Variants in SIK2 observed in about 807,000 individuals in gnomAD.
SIK2 encodes the protein serine/threonine-protein kinase SIK2.
In SIK2, 29 loss-of-function variants were observed where a neutral mutation model predicts 103.2. That is an observed-to-expected ratio of 0.28 (90% CI 0.21 to 0.38). The LOEUF (loss-of-function observed/expected upper bound fraction) is 0.38. SIK2 is among the 10% of genes least tolerant of loss of function. SIK2 has a pLI of 1.00. For synonymous variants in SIK2, 412 were observed against 446.1 expected, an observed-to-expected ratio of 0.92 and a Z score of 0.96; for missense variants, 879 against 1,171.0, an observed-to-expected ratio of 0.75 and a Z score of 3.64.
At chr11:111,700,847 G>A in intron 4 of SIK2, 39 bp from the exon 5 acceptor site, 2 of 1,609,662 alleles carry the variant, frequency 1.2e-6, no homozygotes, top group Non-Finnish European at 1.7e-6. Context: ...TATAGTTTGA[G>A]AGCATAGATG....
chr11:111,602,507 G>T lies in SIK2; in HGVS notation c.-57G>T. On this transcript the variant is annotated 5_prime_UTR_variant, in exon 1 of 15. Coordinates refer to ENST00000304987, the MANE Select transcript of SIK2 (RefSeq NM_015191.3). The surrounding 1 kb of genome is among the most constrained non-coding windows in gnomAD (Gnocchi z 4.5). ...GCCGTCGCCCAAGCCAAGCCGCGCT[G>T]CCAACCCTCCCGCCCGCCCGCGCTC... The T allele has an allele frequency of 7.1e-7, 1 of 1,415,956 alleles. No individual in the cohort carries two copies. 87.7% of individuals were successfully genotyped at this position (1,415,956 alleles called of 1,614,324 possible). A position where few individuals can be genotyped will look rare whatever the true frequency, so the allele number is the denominator to read the frequency against.
At chr11:111,647,853 G>A (rs920013309) in intron 3 of SIK2, among the ~76,000 whole-genome samples, 2 of 152,076 alleles carry the variant, frequency 1.3e-5, no homozygotes, top group African/African-American at 4.8e-5. Context: ...GGGTGACAGT[G>A]CGAGACTCTG....
rs1216904103 is a variant in SIK2 at position 111,728,301 on chromosome 11, T to C, written c.*4172T>C. ...TTCTGGAATTTATTTAATTTTTTTTTTTTTTGAGACAGAGTCTCGCTCTGT... is the reference window on the plus strand; with the variant it reads ...TTCTGGAATTTATTTAATTTTTTTTCTTTTTGAGACAGAGTCTCGCTCTGT... On this transcript the variant is annotated 3_prime_UTR_variant, in exon 15 of 15. Transcript: ENST00000304987. 6.6e-6 allele frequency: 1 copy of C among 152,096 alleles called. No individual in the cohort carries two copies. The highest frequency in any genetic ancestry group is 6.5e-5 in the Admixed American group (1 of 15,284). 9.4% of individuals were successfully genotyped at this position (152,096 alleles called of 1,614,324 possible).
At chr11:111,703,532 T>C in intron 7 of SIK2, 109 bp downstream of exon 7, 1 of 883,854 alleles carries the variant, frequency 1.1e-6, no homozygotes, top group Non-Finnish European at 1.8e-6. Context: ...CGCCTAGGCG[T>C]ACTGTTCAGT....
At chr11:111,712,645 T>C (rs1393492798) in intron 9 of SIK2, among the ~76,000 whole-genome samples, 1 of 152,214 alleles carries the variant, frequency 6.6e-6, no homozygotes, top group Non-Finnish European at 1.5e-5. Flanking sequence ...TAATTCCTTC[T>C]CTCTTCAAGT....
At chr11:111,654,578 G>A (rs1382976438) in intron 3 of SIK2, among the ~76,000 whole-genome samples, 2 of 152,098 alleles carry the variant, frequency 1.3e-5, no homozygotes, top group Non-Finnish European at 2.9e-5. Context: ...GTTACTTAAA[G>A]GTAAGTTCTT....
intron 3 of SIK2, among the ~76,000 whole-genome samples, chr11:111,665,898 A>G (rs958163977): frequency 2.0e-5 from 3 of 152,122 alleles, no homozygotes; most frequent in African/African-American, 4.8e-5. Context: ...CACTAAACCT[A>G]TGGTTCTGTT....
At chr11:111,704,710 G>A (rs1161769616) in intron 7 of SIK2, among the ~76,000 whole-genome samples, 1 of 152,126 alleles carries the variant, frequency 6.6e-6, no homozygotes, top group African/African-American at 2.4e-5. Context: ...GACAATGATG[G>A]CATTTTCTCT....
chr11:111,680,329 T>C (rs1942761138), intron 3 of SIK2, among the ~76,000 whole-genome samples: 1 of 152,164 alleles, frequency 6.6e-6, no homozygotes, highest in Non-Finnish European at 1.5e-5. Flanking sequence ...CTGAAAACAC[T>C]GTTTCTCTTC....
intron 1 of SIK2, among the ~76,000 whole-genome samples, chr11:111,613,714 A>T (rs1181098719): frequency 6.6e-6 from 1 of 152,218 alleles, no homozygotes; most frequent in Non-Finnish European, 1.5e-5. Flanking sequence ...GGTAATAATT[A>T]AAACACCACC....
Position 111,719,881 on chromosome 11 carries a change from C to T in SIK2, c.1373C>T (p.Thr458Ile), listed in dbSNP as rs35789057. 3,529 of 1,614,110 alleles carry T rather than the reference C, an allele frequency of 2.2e-3. 7 individuals carry two copies. Among genetic ancestry groups the T allele is most frequent in the Non-Finnish European group, 2.4e-3 (2,775 of 1,180,028 alleles). The change falls in exon 10 of 15, where the codon ACA becomes ATA. Residue 458 changes from threonine to isoleucine, a missense_variant. This residue lies in a region of SIK2 where 222 missense variants were observed against 258.0 expected (regional missense o/e 0.86). Transcript: ENST00000304987. ...ACCTCCATTGACGAAGGGCTGGAGA[C>T]AGAAGGAGAGGCCGAGGAAGACCCC... ...METSIDEGLE[T>I]EGEAEEDPAH...
At chr11:111,684,113 G>A (rs1942813053) in intron 3 of SIK2, among the ~76,000 whole-genome samples, 1 of 152,154 alleles carries the variant, frequency 6.6e-6, no homozygotes, top group Non-Finnish European at 1.5e-5. Context: ...TTTACTGATA[G>A]GTGATGATTC....
At chr11:111,686,319 T>C (rs1366960509) in intron 3 of SIK2, among the ~76,000 whole-genome samples, 4 of 152,132 alleles carry the variant, frequency 2.6e-5, no homozygotes, top group Non-Finnish European at 5.9e-5. Context: ...TGTGCACCTG[T>C]AGTCCCAGTT....
intron 3 of SIK2, among the ~76,000 whole-genome samples, chr11:111,660,105 C>G (rs895037346): frequency 2.0e-5 from 3 of 152,264 alleles, no homozygotes; most frequent in Admixed American, 6.5e-5. Context: ...CAGTTAGAGA[C>G]CTGTTTGGAT....
chr11:111,637,456 C>CTTT (rs558690499), intron 3 of SIK2, among the ~76,000 whole-genome samples: 30 of 124,700 alleles, frequency 2.4e-4, no homozygotes, highest in African/African-American at 4.1e-4. Flanking sequence ...TTTGTAATAT[C>CTTT]TTTTTTTTTT....
In SIK2 at chr11:111,695,800, AC is replaced by A. The variant is rs1394655095; in HGVS notation, c.479-5085del. Among the ~76,000 whole-genome samples the A allele has an allele frequency of 3.9e-5, 6 of 152,224 alleles. No individual in the cohort carries two copies. In the South Asian group the frequency reaches 1.2e-3, roughly 31 times the overall value. The stretch of plus-strand genomic sequence containing the variant: ...CCATTTTGTATTTGGTTCCCATTAG[AC>A]AACAATCATCAGAGTTAGCTTATTT... On this transcript the variant is annotated intron_variant, in intron 4 of 14. Transcript: ENST00000304987.
chr11:111,603,132 G>A (rs991081246), intron 1 of SIK2, among the ~76,000 whole-genome samples: 9 of 152,288 alleles, frequency 5.9e-5, no homozygotes, highest in African/African-American at 9.6e-5. Context: ...TCGCCGGCCC[G>A]AGGAGGGGAC....
At position 111,729,123 on chromosome 11, in the gene SIK2, C is replaced by T. The variant is rs1475757360; in HGVS notation, c.*4994C>T. On this transcript the variant is annotated 3_prime_UTR_variant, in exon 15 of 15. Coordinates refer to ENST00000304987, the MANE Select transcript of SIK2 (RefSeq NM_015191.3). ...GGAGCCTCTCACCTTCCAGTAGCCT[C>T]TCACATTCTTATTTTACCATTTTTG... is the stretch of plus-strand genomic sequence containing the variant. 6.6e-6 allele frequency: 1 copy of T among 152,270 alleles called. No individual in the cohort carries two copies. Among genetic ancestry groups the T allele is most frequent in the Non-Finnish European group, 1.5e-5 (1 of 68,090 alleles). 9.4% of individuals were successfully genotyped at this position (152,270 alleles called of 1,614,324 possible). A position where few individuals can be genotyped will look rare whatever the true frequency, so the allele number is the denominator to read the frequency against.
intron 3 of SIK2, among the ~76,000 whole-genome samples, chr11:111,666,128 C>A (rs1224184055): frequency 1.3e-5 from 2 of 152,224 alleles, no homozygotes; most frequent in African/African-American, 2.4e-5. Context: ...GCCACCTCTA[C>A]CTCCCCGCAA....
Sources: allele counts gnomAD v4.1 joint callset (sites outside exome capture counted in the v4.1 genomes callset), GRCh38; gene constraint gnomAD v4.1.1; regional missense constraint gnomAD v4.1.1; non-coding constraint Gnocchi (gnomAD v3.1); transcripts MANE v1.5; gene names NCBI Gene and HGNC (gene_info 2026-07-23, HGNC 2026-07-21).